RBM3: variants seen among roughly 807,000 people sequenced by gnomAD.
The protein encoded by RBM3 is RNA-binding protein 3.
RBM3 carries 3 observed loss-of-function variants against 12.0 expected under a neutral mutation model. The ratio of observed to expected loss-of-function variants is 0.25; its 90% CI spans 0.11 to 0.65. The LOEUF is 0.65. RBM3 is among the 30% of genes least tolerant of loss of function. The pLI, the probability that RBM3 is intolerant of heterozygous loss-of-function variation, is 0.84. For synonymous variants in RBM3, 58 were observed against 45.7 expected, an observed-to-expected ratio of 1.27 and a Z score of -1.08; for missense variants, 108 against 134.5, an observed-to-expected ratio of 0.80 and a Z score of 0.97.
At chrX:48,576,106 T>G (rs1305695282) in intron 3 of RBM3, 1 of 1,148,050 alleles carries the variant, frequency 8.7e-7, no homozygotes, top group Non-Finnish European at 1.2e-6. Flanking sequence ...AAGGGGAACA[T>G]GGTGCATTCA....
chrX:48,575,348 G>A, intron 2 of RBM3, 65 bp downstream of exon 2: 1 of 1,029,596 alleles, frequency 9.7e-7, no homozygotes, highest in Non-Finnish European at 1.3e-6. Flanking sequence ...GCATTTCAAG[G>A]AGTATTAACT....
In RBM3 at chrX:48,578,949, G is replaced by A. The variant is rs1301032478; in HGVS notation, c.*1508G>A. On this transcript the variant is annotated 3_prime_UTR_variant, in exon 7 of 7. Transcript: ENST00000376759. Reference sequence around the variant, plus strand: ...TCTACTTCCCAGGTATTTGACCTCAGGTGAGTCATTTAATTTCAGCCTTAT... The same window carrying A: ...TCTACTTCCCAGGTATTTGACCTCAAGTGAGTCATTTAATTTCAGCCTTAT... The A allele has an allele frequency of 8.9e-6, 1 of 111,738 alleles. No homozygotes were observed. Among genetic ancestry groups the A allele is most frequent in the African/African-American group, 3.3e-5 (1 of 30,764 alleles). 9.2% of individuals were successfully genotyped at this position (111,738 alleles called of 1,213,427 possible). A position where few individuals can be genotyped will look rare whatever the true frequency, so the allele number is the denominator to read the frequency against.
In RBM3 at chrX:48,575,089, C is replaced by A. The variant is rs782088604; in HGVS notation, c.-13-79C>A. On this transcript the variant is annotated intron_variant, in intron 1 of 6. Transcript: ENST00000376759. ...CTTGTCTATTTTCTGTGCTTTTTCTCTGCTTTCCGTCTCGCTATTTTCTCA... is the reference window on the plus strand; with the variant it reads ...CTTGTCTATTTTCTGTGCTTTTTCTATGCTTTCCGTCTCGCTATTTTCTCA... 6.9e-6 allele frequency: 5 copies of A among 725,120 alleles called. No individual in the cohort carries two copies. The African/African-American group carries it at 1.1e-4, about 15-fold the overall frequency. The allele number at this position is 725,120 out of a possible 1,213,427, so 59.8% of individuals were successfully genotyped here. A position where few individuals can be genotyped will look rare whatever the true frequency, so the allele number is the denominator to read the frequency against.
At chrX:48,575,984 G>A in intron 3 of RBM3, 3 of 746,482 alleles carry the variant, frequency 4.0e-6, no homozygotes, top group Non-Finnish European at 5.7e-6. Context: ...TTCTGACATG[G>A]ACTCTGAAGC....
Position 48,575,258 on chromosome X carries a change from C to A in RBM3, c.78C>A (p.Phe26Leu). 1 of 1,209,178 alleles carries A rather than the reference C, an allele frequency of 8.3e-7. No homozygotes were observed. The highest frequency in any genetic ancestry group is 1.1e-6 in the Non-Finnish European group (1 of 894,007). Residue 26 changes from phenylalanine to leucine, a missense_variant, in exon 2 of 7, where the codon TTC becomes TTA. Physicochemically the swap from Phe to Leu is conservative, Grantham distance 22 (BLOSUM62 0). Coordinates refer to ENST00000376759, the MANE Select transcript of RBM3 (RefSeq NM_006743.5). Reference protein sequence around the residue: ...NTDEQALEDHFSSFGPISEVV... With the variant: ...NTDEQALEDHLSSFGPISEVV... ...ACGAGCAGGCACTGGAAGACCACTT[C>A]AGCAGTTTCGGACCTATCTCTGAGG...
At chrX:48,574,948 G>A (rs1556988889) in intron 1 of RBM3, 2 of 446,720 alleles carry the variant, frequency 4.5e-6, no homozygotes, top group African/African-American at 2.4e-5. Flanking sequence ...ATGAATGTGA[G>A]AGCATGCGCA....
chrX:48,575,069 C>T lies in RBM3; in HGVS notation c.-13-99C>T, dbSNP rs1292018085. ...CCCATATTTTGTTCCTCTTTCTTGT[C>T]TATTTTCTGTGCTTTTTCTCTGCTT... On this transcript the variant is annotated intron_variant, in intron 1 of 6. Coordinates refer to ENST00000376759, the MANE Select transcript of RBM3 (RefSeq NM_006743.5). 6 of 620,606 alleles carry T rather than the reference C, an allele frequency of 9.7e-6. No individual in the cohort carries two copies. The East Asian group carries it at 1.8e-4, about 19-fold the overall frequency. 51.1% of individuals were successfully genotyped at this position (620,606 alleles called of 1,213,427 possible). A position where few individuals can be genotyped will look rare whatever the true frequency, so the allele number is the denominator to read the frequency against.
chrX:48,575,143 A>G, intron 1 of RBM3, 25 bp from the exon 2 acceptor site: 1 of 1,073,789 alleles, frequency 9.3e-7, no homozygotes, highest in African/African-American at 1.8e-5. Context: ...CCTTCCTGCC[A>G]CCATTCTTCA....
rs1556989999 is a variant in RBM3 at position 48,578,969 on chromosome X, C to G, written c.*1528C>G. ...CCTCAGGTGAGTCATTTAATTTCAG[C>G]CTTATGCCATTTTACATTTTCTGTG... On this transcript the variant is annotated 3_prime_UTR_variant, in exon 7 of 7. Coordinates refer to ENST00000376759, the MANE Select transcript of RBM3 (RefSeq NM_006743.5). The G allele has an allele frequency of 8.9e-6, 1 of 111,759 alleles. No individual in the cohort carries two copies. The highest frequency in any genetic ancestry group is 3.2e-5 in the African/African-American group (1 of 30,807). 9.2% of individuals were successfully genotyped at this position (111,759 alleles called of 1,213,427 possible).
rs1440687366 is a variant in RBM3, at chrX:48,578,362, C to T, written c.*921C>T. 1 of 110,785 alleles carries T rather than the reference C, an allele frequency of 9.0e-6. No homozygotes were observed. The highest frequency in any genetic ancestry group is 3.3e-5 in the African/African-American group (1 of 30,469). 9.1% of individuals were successfully genotyped at this position (110,785 alleles called of 1,213,427 possible). ...CAGAGGTGGGCGGATCACCTGAGGT[C>T]AGGAGTTCGAGACCAGCCTGGCCAA... On this transcript the variant is annotated 3_prime_UTR_variant, in exon 7 of 7. Transcript: ENST00000376759.
intron 5 of RBM3, 62 bp downstream of exon 5, chrX:48,576,666 C>G (rs1430617170): frequency 9.6e-6 from 11 of 1,140,823 alleles, no homozygotes; most frequent in Non-Finnish European, 1.3e-5. Context: ...AACTCAGCGC[C>G]TGGGTGTTCA....
intron 1 of RBM3, 176 bp from the exon 2 acceptor site, chrX:48,574,992 G>A: frequency 2.2e-6 from 1 of 456,878 alleles, no homozygotes; most frequent in Non-Finnish European, 3.9e-6. Context: ...CGCTGAGCCA[G>A]CTCCTCAGAT....
intron 5 of RBM3, 114 bp downstream of exon 5, chrX:48,576,718 A>T (rs1411894645): frequency 9.5e-7 from 1 of 1,054,597 alleles, no homozygotes; most frequent in African/African-American, 1.9e-5. Context: ...ACCTAAAATG[A>T]GTATGAAATT....
At chrX:48,577,418 G>C in intron 6 of RBM3, 47 bp from the exon 7 acceptor site, 1 of 924,627 alleles carries the variant, frequency 1.1e-6, no homozygotes, top group Non-Finnish European at 1.5e-6. Flanking sequence ...CATGTTGTCA[G>C]CTGTTACTTC....
At chrX:48,576,016 G>T in intron 3 of RBM3, 1 of 937,579 alleles carries the variant, frequency 1.1e-6, no homozygotes, top group Non-Finnish European at 1.4e-6. Flanking sequence ...AGAGGTGTCT[G>T]TCTAGCCCTG....
At chrX:48,575,892 C>T (rs1602131652) in intron 3 of RBM3, 1 of 519,093 alleles carries the variant, frequency 1.9e-6, no homozygotes, top group Non-Finnish European at 3.1e-6. Context: ...GAGAAGCCAC[C>T]TGTGGATGGT....
chrX:48,574,630 G>C (rs1459362556), intron 1 of RBM3, 57 bp downstream of exon 1: 1 of 331,977 alleles, frequency 3.0e-6, no homozygotes, highest in Non-Finnish European at 5.9e-6. Flanking sequence ...CGCCGCGCCG[G>C]CCGTGACCGG....
rs1293415496 is a variant in RBM3, at chrX:48,577,470, C to T, written c.*29C>T. 9.4e-7 allele frequency: 1 copy of T among 1,067,183 alleles called. No homozygotes were observed. Among genetic ancestry groups the T allele is most frequent in the East Asian group, 4.0e-5 (1 of 25,096 alleles). The allele number at this position is 1,067,183 out of a possible 1,213,427, so 87.9% of individuals were successfully genotyped here. A position where few individuals can be genotyped will look rare whatever the true frequency, so the allele number is the denominator to read the frequency against. ...CCCCCTCTTGCTGTTCCCAGATACA[C>T]AAGGAATAATTTCTGATCCAGGATC... On this transcript the variant is annotated 3_prime_UTR_variant, in exon 7 of 7. Transcript: ENST00000376759.
chrX:48,576,913 T>G, intron 5 of RBM3, 113 bp from the exon 6 acceptor site: 1 of 948,232 alleles, frequency 1.1e-6, no homozygotes, highest in Non-Finnish European at 1.4e-6. Flanking sequence ...TATCCTGTTT[T>G]TGATACGTAA....
Sources: gnomAD v4.1 joint callset for allele counts on GRCh38, gnomAD v4.1.1 for gene constraint, MANE v1.5 for transcripts, NCBI Gene and HGNC (gene_info 2026-07-23, HGNC 2026-07-21) for gene names.